Variants in RIF1 observed in about 807,000 individuals in gnomAD.
The protein encoded by RIF1 is replication timing regulatory factor 1.
A neutral mutation model predicts 247.1 loss-of-function variants in RIF1; 45 were observed. The ratio of observed to expected loss-of-function variants is 0.18; its 90% confidence interval spans 0.14 to 0.23. The LOEUF is 0.23. Ranked by LOEUF, RIF1 falls within the 10% of genes least tolerant of loss-of-function variation. RIF1 has a pLI of 1.00. For missense variants in RIF1, 2,967 were observed against 2,862.5 expected (o/e 1.04, Z -0.83); for synonymous variants, 1,087 against 978.8 (o/e 1.11, Z -2.06).
At position 151,434,859 on chromosome 2, in the gene RIF1, T is replaced by C. The variant is rs572009381; in HGVS notation, c.1078-604T>C. 1.4e-3 allele frequency among the ~76,000 whole-genome samples: 216 copies of C among 152,286 alleles called. 1 individual carries two copies. Among genetic ancestry groups the C allele is most frequent in the African/African-American group, 5.0e-3 (208 of 41,558 alleles). ...CTTCTGGGGGTATATTTTAGGGGTA[T>C]ATTTTATATTTTATATAAATAGCTG... On this transcript the variant is annotated intron_variant, in intron 10 of 35. Transcript: ENST00000444746.
chr2:151,424,959 T>G (rs889363560), intron 8 of RIF1, among the ~76,000 whole-genome samples: 2 of 149,616 alleles, frequency 1.3e-5, no homozygotes, highest in African/African-American at 4.9e-5. Context: ...ATTACAGGCA[T>G]GAGCCACTTG....
intron 10 of RIF1, chr2:151,497,240 A>AC (rs2060821175): frequency 1.2e-6 from 1 of 828,372 alleles, no homozygotes; most frequent in Non-Finnish European, 1.5e-6. Context: ...AGAAGCAGGG[A>AC]CCTCAGCTGC....
chr2:151,530,027 C>T, the RIF1 span, among the ~76,000 whole-genome samples: 99 of 152,298 alleles, frequency 6.5e-4, no homozygotes, highest in African/African-American at 2.3e-3. Flanking sequence ...GCAGTTATAG[C>T]TATTATCATA....
chr2:151,465,022 T>A lies in RIF1; in HGVS notation c.5502T>A (p.Phe1834Leu). ...QESLPSGIVNFREEICDMDSS... is the reference protein window; with the variant it reads ...QESLPSGIVNLREEICDMDSS... ...CTCTTCCTTCTGGAATAGTAAACTT[T>A]AGAGAGGAAATTTGTGATATGGATT... The change falls in exon 30 of 36, where the codon TTT (phenylalanine) becomes TTA (leucine). Residue 1834 changes from phenylalanine (F) to leucine (L), a missense_variant. Around this residue, in one of 7 missense-constraint regions of RIF1, gnomAD observed 2,028 missense variants for 1,825.6 expected, o/e 1.11. Transcript: ENST00000444746. 1 of 1,579,406 alleles carries A rather than the reference T, an allele frequency of 6.3e-7. No homozygotes were observed. Among genetic ancestry groups the A allele is most frequent in the South Asian group, 1.2e-5 (1 of 83,922 alleles).
intron 18 of RIF1, among the ~76,000 whole-genome samples, chr2:151,444,439 G>T (rs560301851): frequency 6.6e-5 from 10 of 152,180 alleles, no homozygotes; most frequent in African/African-American, 2.4e-4. Context: ...CCTCCCAAAT[G>T]GCTGGGACTA....
the RIF1 span, chr2:151,518,976 G>GT: frequency 6.2e-7 from 1 of 1,611,550 alleles, no homozygotes; most frequent in Non-Finnish European, 8.5e-7. Flanking sequence ...GAACTGGCAA[G>GT]TTGGCTTGTA....
rs761572203 is a variant in RIF1 at position 151,461,222 on chromosome 2, C to G, written c.3160C>G (p.Pro1054Ala). The G allele has an allele frequency of 6.2e-7, 1 of 1,613,304 alleles. No homozygotes were observed. Among genetic ancestry groups the G allele is most frequent in the South Asian group, 1.1e-5 (1 of 90,954 alleles). ...EKSTDFVFIPPEGKDAKERIL... is the reference protein window; with the variant it reads ...EKSTDFVFIPAEGKDAKERIL... ...GTCTACTGACTTTGTGTTTATACCT[C>G]CAGAAGGAAAAGATGCAAAGGAAAG... Residue 1054 changes from proline (P) to alanine (A), a missense_variant, in exon 27 of 36, where the codon CCA becomes GCA. Around this residue, in one of 7 missense-constraint regions of RIF1, gnomAD observed 2,028 missense variants for 1,825.6 expected, o/e 1.11. Coordinates refer to ENST00000444746, the MANE Select transcript of RIF1 (RefSeq NM_018151.5).
In RIF1 at chr2:151,451,639, AT is replaced by A; in HGVS notation, c.2280del (p.Thr761LeufsTer2). On this transcript the variant is annotated frameshift_variant, in exon 21 of 36. Transcript: ENST00000444746. LOFTEE classifies it high-confidence loss of function. ...LLFVDRIIYI[I>X]TVMVDCIDFS... ...GTTCGTGGATAGAATTATTTATATT[AT>A]TACTGTAATGGTTGATTGCATTGAC... is the stretch of plus-strand genomic sequence containing the variant. The A allele has an allele frequency of 6.8e-7, 1 of 1,472,266 alleles. No individual in the cohort carries two copies. The highest frequency in any genetic ancestry group is 9.5e-7 in the Non-Finnish European group (1 of 1,052,276). The allele number at this position is 1,472,266 out of a possible 1,614,324, so 91.2% of individuals were successfully genotyped here. A position where few individuals can be genotyped will look rare whatever the true frequency, so the allele number is the denominator to read the frequency against.
Position 151,441,963 on chromosome 2 carries a change from A to G in RIF1, c.1706A>G (p.Tyr569Cys). Residue 569 changes from tyrosine (Y) to cysteine (C), a missense_variant, in exon 16 of 36, where the codon TAT becomes TGT. Transcript: ENST00000444746. ...CAGAAAGTATTAGGTTCACCAGCAT[A>G]TCAGGTTGCTAATATGGATATTCTT... ...LPQKVLGSPA[Y>C]QVANMDILNG... 6.4e-7 allele frequency: 1 copy of G among 1,558,794 alleles called. No homozygotes were observed. The highest frequency in any genetic ancestry group is 1.4e-5 in the African/African-American group (1 of 72,944).
chr2:151,471,846 A>T (rs1311700303), intron 34 of RIF1, among the ~76,000 whole-genome samples: 1 of 152,078 alleles, frequency 6.6e-6, no homozygotes, highest in Non-Finnish European at 1.5e-5. Context: ...TTGACTTGGC[A>T]ATGCGGGCTC....
At chr2:151,435,985 A>T (rs557550471) in intron 11 of RIF1, among the ~76,000 whole-genome samples, 37 of 152,258 alleles carry the variant, frequency 2.4e-4, no homozygotes, top group African/African-American at 8.9e-4. Flanking sequence ...GCACTTTGGG[A>T]GGCCGAGCCC....
chr2:151,417,004 G>A, intron 6 of RIF1, 103 bp downstream of exon 6: 1 of 790,776 alleles, frequency 1.3e-6, no homozygotes, highest in South Asian at 1.7e-5. Context: ...TAAAAGGGGG[G>A]AATGTCATTT....
chr2:151,507,060 G>T, intron 13 of RIF1: 2 of 1,180,094 alleles, frequency 1.7e-6, no homozygotes, highest in African/African-American at 1.5e-5. Context: ...ACATTGCTTT[G>T]TTTTCTTTAT....
Position 151,464,826 on chromosome 2 carries a change from C to T in RIF1, c.5306C>T (p.Ala1769Val). The change falls in exon 30 of 36, where the codon GCA (alanine) becomes GTA (valine). Residue 1769 changes from alanine (A) to valine (V), a missense_variant. Around this residue, in one of 7 missense-constraint regions of RIF1, gnomAD observed 2,028 missense variants for 1,825.6 expected, o/e 1.11. Transcript: ENST00000444746. The stretch of plus-strand genomic sequence containing the variant: ...GAAACAAAAAAGGCAGATGTGCAAG[C>T]ACCTGTAAGCCCATCAGAAACTTCT... ...ISETKKADVQ[A>V]PVSPSETSQA... is the part of the protein sequence containing the mutation. 1 of 1,613,252 alleles carries T rather than the reference C, an allele frequency of 6.2e-7. No homozygotes were observed. Among genetic ancestry groups the T allele is most frequent in the East Asian group, 2.2e-5 (1 of 44,868 alleles).
the RIF1 span, chr2:151,526,786 A>G: frequency 0.02 from 14,239 of 697,018 alleles, 206 homozygotes; most frequent in African/African-American, 0.042. Context: ...AGGACAGGCC[A>G]TAATTCAGGA....
rs1559038251 is a variant in RIF1, at chr2:151,474,852, T to G, written c.7205-5T>G. 6.9e-7 allele frequency: 1 copy of G among 1,451,822 alleles called. No individual in the cohort carries two copies. Among genetic ancestry groups the G allele is most frequent in the Non-Finnish European group, 9.6e-7 (1 of 1,041,062 alleles). 89.9% of individuals were successfully genotyped at this position (1,451,822 alleles called of 1,614,324 possible). ...TTTAATTGTGGTTTTTTTTTTCTCT[T>G]TTAGATATAATTGATCCTGTTGCTT... On this transcript the variant is annotated splice_region_variant and splice_polypyrimidine_tract_variant and intron_variant, in intron 35 of 35. Transcript: ENST00000444746.
intron 8 of RIF1, 61 bp from the exon 9 acceptor site, chr2:151,428,722 GA>G (rs1689546148): frequency 3.1e-6 from 4 of 1,274,652 alleles, no homozygotes; most frequent in Non-Finnish European, 4.6e-6. Flanking sequence ...ATAAAGGAAT[GA>G]TAGCAATTAT....
chr2:151,494,723 A>G (rs1036950366), intron 9 of RIF1, among the ~76,000 whole-genome samples: 2 of 152,094 alleles, frequency 1.3e-5, no homozygotes. Context: ...ATCCCTGCTC[A>G]CTGCAACCTC....
chr2:151,532,746 CTTTT>C, the RIF1 span, among the ~76,000 whole-genome samples: 5 of 149,832 alleles, frequency 3.3e-5, no homozygotes, highest in African/African-American at 1.2e-4. Context: ...GCTCAATTAA[CTTTT>C]TTTTTTTGGT....
Sources: allele counts gnomAD v4.1 joint callset (sites outside exome capture counted in the v4.1 genomes callset), GRCh38; gene constraint gnomAD v4.1.1; regional missense constraint gnomAD v4.1.1; transcripts MANE v1.5; gene names NCBI Gene and HGNC (gene_info 2026-07-23, HGNC 2026-07-21).